Variants in CDH12 observed in about 807,000 individuals in gnomAD.
CDH12 encodes the protein cadherin-12.
In CDH12, 41 loss-of-function variants were observed where a neutral mutation model predicts 74.1. The observed-to-expected ratio is 0.55, with a 90% CI of 0.43 to 0.72. CDH12 has a LOEUF of 0.72. CDH12 is among the 30% of genes least tolerant of loss of function. The pLI is 0.00. For missense variants in CDH12, 945 were observed against 977.2 expected (o/e 0.97, Z 0.44); for synonymous variants, 399 against 355.0 (o/e 1.12, Z -1.39).
chr5:22,114,667 A>C (rs1233567859), intron 4 of CDH12, among the ~76,000 whole-genome samples: 5 of 152,166 alleles, frequency 3.3e-5, no homozygotes, highest in Non-Finnish European at 7.4e-5. Context: ...ATTGTTGCTT[A>C]ATTTTTGGGG....
intron 4 of CDH12, among the ~76,000 whole-genome samples, chr5:22,138,733 T>C (rs545587179): frequency 6.5e-4 from 97 of 148,924 alleles, no homozygotes; most frequent in Non-Finnish European, 1.1e-3. Context: ...TCTTTTGTTT[T>C]GCTGTCAAAT....
At chr5:22,059,010 C>T (rs896993643) in intron 5 of CDH12, among the ~76,000 whole-genome samples, 33 of 152,048 alleles carry the variant, frequency 2.2e-4, no homozygotes, top group Middle Eastern at 3.4e-3. Context: ...TGATACTACA[C>T]GAGTACAGCT....
chr5:22,411,459 C>A (rs974963856), intron 2 of CDH12, among the ~76,000 whole-genome samples: 1 of 151,930 alleles, frequency 6.6e-6, no homozygotes, highest in Non-Finnish European at 1.5e-5. Flanking sequence ...ATCTGCAGAT[C>A]TTCATGGTAA....
At chr5:22,726,654 TTA>T (rs1360637287) in intron 1 of CDH12, among the ~76,000 whole-genome samples, 1 of 151,866 alleles carries the variant, frequency 6.6e-6, no homozygotes, top group African/African-American at 2.4e-5. Context: ...TTGGCCATTG[TTA>T]TAAGTGTGTA....
At chr5:22,270,604 A>AT (rs202100279) in intron 3 of CDH12, among the ~76,000 whole-genome samples, 41,918 of 144,586 alleles carry the variant, frequency 0.29, 6,309 homozygotes, top group East Asian at 0.44. Flanking sequence ...CAAAAAAAAA[A>AT]ATATATATAT....
chr5:21,973,362 T>G (rs374798034), intron 6 of CDH12, among the ~76,000 whole-genome samples: 1 of 152,214 alleles, frequency 6.6e-6, no homozygotes, highest in African/African-American at 2.4e-5. Flanking sequence ...CAGTATCTTA[T>G]GACAACACAG....
chr5:22,082,039 C>A (rs1742765391), intron 4 of CDH12, among the ~76,000 whole-genome samples: 1 of 152,146 alleles, frequency 6.6e-6, no homozygotes, highest in Admixed American at 6.6e-5. Flanking sequence ...TGTTATCTGT[C>A]AATCTGAACA....
At chr5:22,169,584 T>C (rs1748896164) in intron 4 of CDH12, among the ~76,000 whole-genome samples, 1 of 151,970 alleles carries the variant, frequency 6.6e-6, no homozygotes, top group African/African-American at 2.4e-5. Context: ...AATTTACACC[T>C]AGCATTCTGG....
intron 3 of CDH12, among the ~76,000 whole-genome samples, chr5:22,330,413 G>A (rs1260568982): frequency 2.6e-5 from 4 of 151,978 alleles, no homozygotes; most frequent in Non-Finnish European, 5.9e-5. Context: ...AGGTGACCCA[G>A]AACATTCCCA....
intron 4 of CDH12, among the ~76,000 whole-genome samples, chr5:22,113,927 A>C (rs1744950857): frequency 6.6e-6 from 1 of 152,162 alleles, no homozygotes; most frequent in East Asian, 1.9e-4. Context: ...TCAGCCAATC[A>C]GAAGCAGTGG....
At chr5:22,364,190 C>T (rs1489534581) in intron 3 of CDH12, among the ~76,000 whole-genome samples, 3 of 152,040 alleles carry the variant, frequency 2.0e-5, no homozygotes, top group African/African-American at 7.2e-5. Flanking sequence ...AAAATCATAT[C>T]GTTTTGTCTT....
At chr5:22,043,397 C>A (rs1382963188) in intron 5 of CDH12, among the ~76,000 whole-genome samples, 1 of 151,972 alleles carries the variant, frequency 6.6e-6, no homozygotes, top group Non-Finnish European at 1.5e-5. Context: ...ATTCAACATC[C>A]CTTCCCAATG....
At chr5:21,905,861 T>TTG (rs1245313168) in intron 6 of CDH12, among the ~76,000 whole-genome samples, 1 of 152,202 alleles carries the variant, frequency 6.6e-6, no homozygotes, top group Non-Finnish European at 1.5e-5. Context: ...CATATGTTTA[T>TTG]TGTCAGTATT....
At chr5:21,987,793 A>T (rs1248363426) in intron 5 of CDH12, among the ~76,000 whole-genome samples, 1 of 152,152 alleles carries the variant, frequency 6.6e-6, no homozygotes, top group Non-Finnish European at 1.5e-5. Flanking sequence ...ACTAGGGAAA[A>T]GCATCTGCAG....
intron 4 of CDH12, among the ~76,000 whole-genome samples, chr5:22,158,293 GA>G (rs1184577857): frequency 6.6e-6 from 1 of 151,966 alleles, no homozygotes; most frequent in East Asian, 1.9e-4. Context: ...ACACCATTTG[GA>G]AAGGAAAAAT....
At chr5:22,529,111 T>C (rs924110269) in intron 1 of CDH12, among the ~76,000 whole-genome samples, 2 of 108,388 alleles carry the variant, frequency 1.8e-5, no homozygotes, top group Non-Finnish European at 3.9e-5. Flanking sequence ...TATGCATATA[T>C]ATGCATGCAA....
intron 1 of CDH12, among the ~76,000 whole-genome samples, chr5:22,570,635 C>T (rs1739495214): frequency 1.3e-5 from 2 of 152,120 alleles, no homozygotes; most frequent in Non-Finnish European, 2.9e-5. Flanking sequence ...ATTTATAGAG[C>T]TTACACAGAG....
At chr5:21,924,717 C>A (rs938178716) in intron 6 of CDH12, among the ~76,000 whole-genome samples, 1 of 152,044 alleles carries the variant, frequency 6.6e-6, no homozygotes, top group Non-Finnish European at 1.5e-5. Flanking sequence ...TACTGTTGGA[C>A]AATGTAAGAA....
chr5:21,771,231 A>T, intron 11 of CDH12, among the ~76,000 whole-genome samples: 1 of 151,942 alleles, frequency 6.6e-6, no homozygotes, highest in South Asian at 2.1e-4. Flanking sequence ...CAATTGTGTG[A>T]CTGTGTTCTA....
Sources: gnomAD v4.1 joint callset for allele counts (sites outside exome capture counted in the v4.1 genomes callset) on GRCh38, gnomAD v4.1.1 for gene constraint, MANE v1.5 for transcripts, NCBI Gene and HGNC (gene_info 2026-07-23, HGNC 2026-07-21) for gene names.